DYM: variants seen among roughly 807,000 people sequenced by gnomAD.
DYM encodes the protein dyggve-Melchior-Clausen syndrome protein.
A neutral mutation model predicts 93.1 loss-of-function variants in DYM; 78 were observed. The observed-to-expected ratio is 0.84, with a 90% CI of 0.70 to 1.01. The LOEUF is 1.01. DYM is among the 50% of genes least tolerant of loss of function. The pLI, the probability that DYM is intolerant of heterozygous loss-of-function variation, is 0.00. For missense variants in DYM, 789 were observed against 845.0 expected, an observed-to-expected ratio of 0.93 and a Z score of 0.82; for synonymous variants, 321 against 319.7, an observed-to-expected ratio of 1.00 and a Z score of -0.04.
intron 17 of DYM, among the ~76,000 whole-genome samples, chr18:49,061,567 C>G (rs2075986016): frequency 6.6e-6 from 1 of 152,194 alleles, no homozygotes. Context: ...TGGGAGACTA[C>G]TTGGGAAACA....
chr18:49,088,658 C>T (rs1394789826), intron 17 of DYM, among the ~76,000 whole-genome samples: 3 of 151,748 alleles, frequency 2.0e-5, no homozygotes, highest in African/African-American at 4.8e-5. Flanking sequence ...ACACTGAGTA[C>T]AAATATTGTC....
intron 10 of DYM, among the ~76,000 whole-genome samples, chr18:49,276,224 C>T (rs1013550911): frequency 3.3e-5 from 5 of 152,048 alleles, no homozygotes; most frequent in Non-Finnish European, 7.4e-5. Context: ...AAGCCCTTTA[C>T]TCATCTAAGG....
At chr18:49,104,389 T>C (rs1039791937) in intron 16 of DYM, among the ~76,000 whole-genome samples, 20 of 152,324 alleles carry the variant, frequency 1.3e-4, no homozygotes, top group Admixed American at 7.8e-4. Flanking sequence ...CTTTTCCTAA[T>C]TGAATATCCT....
At chr18:49,195,916 CTT>C (rs540189318) in intron 14 of DYM, among the ~76,000 whole-genome samples, 7 of 84,034 alleles carry the variant, frequency 8.3e-5, no homozygotes, top group South Asian at 9.8e-4. Flanking sequence ...ATGCTACCAT[CTT>C]TTTTTTTTTT....
intron 8 of DYM, among the ~76,000 whole-genome samples, chr18:49,318,787 A>ATTTCTT (rs1444928946): frequency 2.9e-5 from 4 of 140,288 alleles, no homozygotes; most frequent in South Asian, 4.5e-4. Flanking sequence ...AGGTAACATT[A>ATTTCTT]TTTCTTTTTC....
At chr18:49,301,181 T>C (rs1167539402) in intron 8 of DYM, among the ~76,000 whole-genome samples, 3 of 152,206 alleles carry the variant, frequency 2.0e-5, no homozygotes, top group Non-Finnish European at 4.4e-5. Flanking sequence ...TTTCCATGTA[T>C]GCATGTTAAA....
At chr18:49,378,526 A>G (rs752408286) in intron 5 of DYM, 41 bp downstream of exon 5, 23 of 1,552,526 alleles carry the variant, frequency 1.5e-5, no homozygotes, top group Non-Finnish European at 8.9e-7. Context: ...CTTAAATGTT[A>G]CACATGATAT....
intron 8 of DYM, 86 bp from the exon 9 acceptor site, chr18:49,286,702 A>G (rs1891316196): frequency 1.5e-6 from 2 of 1,311,910 alleles, no homozygotes; most frequent in Non-Finnish European, 2.2e-6. Context: ...ATATAATACA[A>G]TATGGTAATG....
At position 49,331,959 on chromosome 18, in the gene DYM, A is replaced by G; in HGVS notation, c.668T>C (p.Ile223Thr). The change falls in exon 8 of 18, where the codon ATC (isoleucine) becomes ACC (threonine). Residue 223 changes from isoleucine to threonine, a missense_variant. Coordinates refer to ENST00000675505, the MANE Select transcript of DYM (RefSeq NM_001353214.3). ...TGGAGGAGGTGGCTTTTCTTGTCTG[A>G]TAAAGTTATATAATAAGGTCTTCAC... Reference protein sequence around the residue: ...KLVKTLLYNFIRQEKPPPPGA... With the variant: ...KLVKTLLYNFTRQEKPPPPGA... 1 of 1,614,104 alleles carries G rather than the reference A, an allele frequency of 6.2e-7. No individual in the cohort carries two copies.
intron 1 of DYM, among the ~76,000 whole-genome samples, chr18:49,443,715 C>T (rs2081864744): frequency 6.6e-6 from 1 of 152,118 alleles, no homozygotes; most frequent in Admixed American, 6.5e-5. Flanking sequence ...ACAAGATATA[C>T]CTCCTCAGAG....
chr18:49,187,172 C>A (rs1274021890), intron 14 of DYM, among the ~76,000 whole-genome samples: 3 of 152,136 alleles, frequency 2.0e-5, no homozygotes, highest in South Asian at 2.1e-4. Context: ...CCCGCCTCGG[C>A]CTCCCAAAGT....
chr18:49,432,881 T>A (rs549165741), intron 1 of DYM, among the ~76,000 whole-genome samples: 1 of 152,300 alleles, frequency 6.6e-6, no homozygotes, highest in East Asian at 1.9e-4. Flanking sequence ...ATTACAAGCA[T>A]GAGCTACTGA....
chr18:49,418,839 C>T (rs1019166301), intron 2 of DYM, among the ~76,000 whole-genome samples: 1 of 152,062 alleles, frequency 6.6e-6, no homozygotes, highest in African/African-American at 2.4e-5. Flanking sequence ...ATATCAAATA[C>T]CATCAGTGAG....
At chr18:49,439,292 T>C (rs139558968) in intron 1 of DYM, among the ~76,000 whole-genome samples, 142 of 152,330 alleles carry the variant, frequency 9.3e-4, no homozygotes, top group African/African-American at 3.2e-3. Context: ...CTTTTAGTAG[T>C]AAACCTTTCA....
chr18:49,233,373 A>C (rs1484166113), intron 13 of DYM, among the ~76,000 whole-genome samples: 5 of 152,010 alleles, frequency 3.3e-5, no homozygotes, highest in Non-Finnish European at 7.4e-5. Context: ...AAAAAAAAGA[A>C]AAAAAACACC....
intron 13 of DYM, among the ~76,000 whole-genome samples, chr18:49,216,713 C>T (rs2093068979): frequency 6.6e-6 from 1 of 152,122 alleles, no homozygotes; most frequent in Non-Finnish European, 1.5e-5. Context: ...AGAAGGAAAA[C>T]TAACAAACAG....
At chr18:49,151,898 A>C (rs1263642423) in intron 15 of DYM, among the ~76,000 whole-genome samples, 3 of 152,194 alleles carry the variant, frequency 2.0e-5, no homozygotes, top group Admixed American at 2.0e-4. Flanking sequence ...AAGTAAAAGG[A>C]AATTTAAAAT....
intron 11 of DYM, among the ~76,000 whole-genome samples, chr18:49,266,019 G>T (rs956400630): frequency 5.3e-5 from 8 of 152,066 alleles, no homozygotes; most frequent in Non-Finnish European, 7.4e-5. Context: ...AATTAGCCAG[G>T]TGTGGTGGTA....
intron 16 of DYM, among the ~76,000 whole-genome samples, chr18:49,115,383 A>C (rs549771329): frequency 6.6e-6 from 1 of 152,380 alleles, no homozygotes; most frequent in East Asian, 1.9e-4. Context: ...AATGAAAGGT[A>C]CTGGGAATTA....
Sources: allele counts gnomAD v4.1 joint callset (sites outside exome capture counted in the v4.1 genomes callset), GRCh38; gene constraint gnomAD v4.1.1; transcripts MANE v1.5; gene names NCBI Gene and HGNC (gene_info 2026-07-23, HGNC 2026-07-21).